PRKAG2: variants seen among roughly 807,000 people sequenced by gnomAD.
PRKAG2 encodes 5'-AMP-activated protein kinase subunit gamma-2.
Under a neutral mutation model 69.6 loss-of-function variants are expected in PRKAG2, and 26 were observed. That is an observed-to-expected ratio of 0.37 (90% CI 0.27 to 0.52). The LOEUF is 0.52. Among genes scored for constraint, PRKAG2 ranks in the 20% least tolerant of loss-of-function variants. PRKAG2 has a pLI of 0.90. For synonymous variants in PRKAG2, 293 were observed against 285.0 expected, an observed-to-expected ratio of 1.03 and a Z score of -0.28; for missense variants, 557 against 740.0, an observed-to-expected ratio of 0.75 and a Z score of 2.87.
chr7:151,725,781 T>C (rs1586088762), intron 3 of PRKAG2, among the ~76,000 whole-genome samples: 1 of 152,242 alleles, frequency 6.6e-6, no homozygotes, highest in South Asian at 2.1e-4. Context: ...CAGGGGCTGG[T>C]CTGCACCCTG....
intron 1 of PRKAG2, among the ~76,000 whole-genome samples, chr7:151,823,009 C>T (rs1234570378): frequency 6.6e-6 from 1 of 152,182 alleles, no homozygotes; most frequent in Admixed American, 6.5e-5. Flanking sequence ...TTCCTCCCAG[C>T]GACCTGGTTT....
At chr7:151,834,103 C>T (rs143387409) in intron 1 of PRKAG2, among the ~76,000 whole-genome samples, 11 of 152,324 alleles carry the variant, frequency 7.2e-5, no homozygotes, top group Admixed American at 6.5e-5. Context: ...GATCATTCCC[C>T]GACAGCAGTT....
rs914763054 is a variant in PRKAG2, at chr7:151,583,500, C to T, written c.865-7048G>A. 3.3e-5 allele frequency among the ~76,000 whole-genome samples: 5 copies of T among 152,166 alleles called. No homozygotes were observed. The highest frequency in any genetic ancestry group is 2.0e-4 in the Admixed American group (3 of 15,272). On this transcript the variant is annotated intron_variant, in intron 6 of 15. Coordinates refer to ENST00000287878, the MANE Select transcript of PRKAG2 (RefSeq NM_016203.4). This position sits in a 1 kb window ranked among gnomAD's most constrained non-coding sequence, Gnocchi z 4.1. ...GTTTTGCCGACCTTCTTTGCAATAA[C>T]GAGGCCTTCTAAAACTTGGCTTTCT...
intron 1 of PRKAG2, among the ~76,000 whole-genome samples, chr7:151,859,396 G>A (rs1000363144): frequency 7.9e-5 from 12 of 152,208 alleles, no homozygotes; most frequent in Admixed American, 3.3e-4. Context: ...TGCCAGCCCC[G>A]TGGAAAGGTA....
At chr7:151,789,924 T>G (rs537529696) in intron 1 of PRKAG2, among the ~76,000 whole-genome samples, 9 of 152,310 alleles carry the variant, frequency 5.9e-5, no homozygotes, top group African/African-American at 1.9e-4. Flanking sequence ...TTTCTGATGT[T>G]CTCTGTTCCG....
chr7:151,726,921 A>C (rs563003060), intron 3 of PRKAG2, among the ~76,000 whole-genome samples: 2 of 152,294 alleles, frequency 1.3e-5, no homozygotes, highest in South Asian at 4.2e-4. Context: ...TCAAGTATCA[A>C]AAAGGTGATA....
chr7:151,843,478 C>T (rs183660943), intron 1 of PRKAG2, among the ~76,000 whole-genome samples: 2 of 152,258 alleles, frequency 1.3e-5, no homozygotes, highest in Admixed American at 1.3e-4. Context: ...GTTGTTTTCC[C>T]AAAAGTTTCA....
chr7:151,802,971 T>C (rs2077921535), intron 1 of PRKAG2, among the ~76,000 whole-genome samples: 1 of 150,968 alleles, frequency 6.6e-6, no homozygotes. Context: ...TATTTTTTTT[T>C]TTTTGAGACA....
At chr7:151,830,337 G>A (rs144289795) in intron 1 of PRKAG2, among the ~76,000 whole-genome samples, 3 of 152,044 alleles carry the variant, frequency 2.0e-5, no homozygotes, top group Non-Finnish European at 2.9e-5. Flanking sequence ...TGTGGGCCAC[G>A]GAAAGGCCAA....
At chr7:151,796,084 G>A (rs2077522353) in intron 1 of PRKAG2, among the ~76,000 whole-genome samples, 1 of 151,696 alleles carries the variant, frequency 6.6e-6, no homozygotes, top group South Asian at 2.1e-4. Flanking sequence ...TGGATCTCTA[G>A]TCTTGGTTCT....
At chr7:151,775,905 A>G (rs4726091) in intron 3 of PRKAG2, among the ~76,000 whole-genome samples, 22,356 of 152,172 alleles carry the variant, frequency 0.15, 2,090 homozygotes, top group African/African-American at 0.26. Context: ...TGGGGGAGCA[A>G]TCTACAGTCT....
At chr7:151,782,551 G>GA (rs1313571024) in intron 2 of PRKAG2, among the ~76,000 whole-genome samples, 1 of 152,214 alleles carries the variant, frequency 6.6e-6, no homozygotes, top group African/African-American at 2.4e-5. Context: ...CCAAGGCACA[G>GA]AGCTCATAGC....
At chr7:151,670,623 T>A (rs767951825) in intron 4 of PRKAG2, among the ~76,000 whole-genome samples, 4 of 152,216 alleles carry the variant, frequency 2.6e-5, no homozygotes, top group Non-Finnish European at 2.9e-5. Context: ...ACGGGTTCTA[T>A]CACACTCCAT....
At chr7:151,739,268 C>T (rs1387910014) in intron 3 of PRKAG2, among the ~76,000 whole-genome samples, 1 of 152,130 alleles carries the variant, frequency 6.6e-6, no homozygotes, top group Non-Finnish European at 1.5e-5. Flanking sequence ...GGGACCTGAC[C>T]CATCTCTGTC....
At chr7:151,562,753 G>A (rs2150983120) in intron 14 of PRKAG2, among the ~76,000 whole-genome samples, 1 of 152,132 alleles carries the variant, frequency 6.6e-6, no homozygotes, top group South Asian at 2.1e-4. Context: ...AGATCACGAG[G>A]TCAGGAGATC....
chr7:151,730,332 G>T (rs1041630571), intron 3 of PRKAG2, among the ~76,000 whole-genome samples: 1 of 152,166 alleles, frequency 6.6e-6, no homozygotes, highest in Non-Finnish European at 1.5e-5. Flanking sequence ...AACCCTGGAA[G>T]ACAGATGCTG....
At chr7:151,691,821 T>C (rs904518094) in intron 3 of PRKAG2, among the ~76,000 whole-genome samples, 2 of 152,240 alleles carry the variant, frequency 1.3e-5, no homozygotes, top group Non-Finnish European at 2.9e-5. Flanking sequence ...TTAGAAGATA[T>C]GAAACCTTGT....
In PRKAG2 at chr7:151,855,393, CATCCACACACCACCCTCCACATACACCAT is replaced by C. The variant is rs1563757418; in HGVS notation, c.114+21085_114+21113del. The stretch of plus-strand genomic sequence containing the variant: ...CACACACACCGCCCTCCACACACAC[CATCCACACACCACCCTCCACATACACCAT>C]GCTCCACACACACCGCCCTCCACAC... On this transcript the variant is annotated intron_variant, in intron 1 of 15. Transcript: ENST00000287878. Among the ~76,000 whole-genome samples, 27 of 25,850 alleles carry C rather than the reference CATCCACACACCACCCTCCACATACACCAT, an allele frequency of 1.0e-3. 5 individuals are homozygous for C. In the East Asian group the frequency reaches 0.082, roughly 79 times the overall value. The allele number at this position is 25,850 out of a possible 152,430, so 17.0% of individuals were successfully genotyped here. A position where few individuals can be genotyped will look rare whatever the true frequency, so the allele number is the denominator to read the frequency against.
At chr7:151,687,091 C>T (rs1834851295) in intron 3 of PRKAG2, among the ~76,000 whole-genome samples, 5 of 152,108 alleles carry the variant, frequency 3.3e-5, no homozygotes, top group Admixed American at 2.6e-4. Flanking sequence ...TGGGAACTAA[C>T]AAAACAAAAC....
Sources: allele counts gnomAD v4.1 joint callset (sites outside exome capture counted in the v4.1 genomes callset), GRCh38; gene constraint gnomAD v4.1.1; non-coding constraint Gnocchi (gnomAD v3.1); transcripts MANE v1.5; gene names NCBI Gene and HGNC (gene_info 2026-07-23, HGNC 2026-07-21).